The following NDUFAF7 variants were observed in gnomAD, a reference collection of about 807,000 sequenced individuals.
NDUFAF7 encodes NADH:ubiquinone oxidoreductase complex assembly factor 7, also known as protein arginine methyltransferase NDUFAF7, mitochondrial.
Under a neutral mutation model 47.2 loss-of-function variants are expected in NDUFAF7, and 48 were observed. That is an observed-to-expected ratio of 1.02 (90% CI 0.81 to 1.29). The LOEUF is 1.29. NDUFAF7 is among the 50% of genes most tolerant of loss of function. The probability of loss-of-function intolerance (pLI) is 0.00; values close to 1 mark genes in which losing one functional copy is unlikely to be tolerated. For synonymous variants in NDUFAF7, 217 were observed against 190.0 expected, an observed-to-expected ratio of 1.14 and a Z score of -1.17; for missense variants, 635 against 537.6, an observed-to-expected ratio of 1.18 and a Z score of -1.79.
At chr2:37,256,644 T>A (rs1159833283), downstream of NDUFAF7, 12 of 1,396,612 alleles carry the variant, frequency 8.6e-6, no homozygotes, top group African/African-American at 1.5e-5. Flanking sequence ...TTTTTTTTTT[T>A]TTTTTTTTTT....
chr2:37,241,002 A>C (rs1666278535), intron 4 of NDUFAF7, among the ~76,000 whole-genome samples: 1 of 152,204 alleles, frequency 6.6e-6, no homozygotes, highest in South Asian at 2.1e-4. Context: ...ATGTTGATAC[A>C]CTTTATGCTT....
chr2:37,235,718 G>A (rs1230234136), intron 2 of NDUFAF7, among the ~76,000 whole-genome samples: 2 of 151,746 alleles, frequency 1.3e-5, no homozygotes, highest in African/African-American at 4.8e-5. Context: ...GCAGTGGCGC[G>A]ATCTCGGCTT....
chr2:37,251,330 G>A (rs749545035), downstream of NDUFAF7: 5 of 152,586 alleles, frequency 3.3e-5, no homozygotes, highest in Non-Finnish European at 5.9e-5. Flanking sequence ...GGAGGGCTAA[G>A]GGTAAGATTA....
intron 4 of NDUFAF7, among the ~76,000 whole-genome samples, chr2:37,239,268 A>T (rs1666114749): frequency 6.6e-6 from 1 of 151,948 alleles, no homozygotes; most frequent in African/African-American, 2.4e-5. Context: ...ATAGGCGTGG[A>T]TCACTACACC....
chr2:37,261,596 C>T, the NDUFAF7 span, among the ~76,000 whole-genome samples: 1 of 151,688 alleles, frequency 6.6e-6, no homozygotes, highest in Non-Finnish European at 1.5e-5. Flanking sequence ...GCCTGACCAA[C>T]ATGGAGAAAC....
the NDUFAF7 span, among the ~76,000 whole-genome samples, chr2:37,264,202 T>C: frequency 0.069 from 10,436 of 152,244 alleles, 461 homozygotes; most frequent in African/African-American, 0.13. Context: ...TAACTGTATA[T>C]AGACATACAT....
At chr2:37,252,841 T>TTTTATATA (rs1667610687), downstream of NDUFAF7, 10 of 80,520 alleles carry the variant, frequency 1.2e-4, no homozygotes, top group African/African-American at 4.0e-4. Flanking sequence ...AAACATATAT[T>TTTTATATA]TATATTTATA....
the NDUFAF7 span, chr2:37,267,346 TAA>T: frequency 9.9e-3 from 7,584 of 768,840 alleles, 1 homozygote; most frequent in South Asian, 0.024. Context: ...TTTGCCTTCT[TAA>T]AAAAAAAAAA....
In NDUFAF7 at chr2:37,243,971, CAAGT is replaced by C. The variant is rs1488621436; in HGVS notation, c.792+2_792+5del. On this transcript the variant is annotated splice_donor_variant and coding_sequence_variant, in exon 7 of 10. Coordinates refer to ENST00000002125, the MANE Select transcript of NDUFAF7 (RefSeq NM_144736.5). LOFTEE classifies it high-confidence loss of function. ...TGCCACCCCAGCAGAAGCCTTCATA[CAAGT>C]AAGAATATGCTTTTTTAAGTTTCTT... is the stretch of plus-strand genomic sequence containing the variant. 1 of 1,604,350 alleles carries C rather than the reference CAAGT, an allele frequency of 6.2e-7. No individual in the cohort carries two copies. The highest frequency in any genetic ancestry group is 8.5e-7 in the Non-Finnish European group (1 of 1,171,740).
chr2:37,236,525 C>T (rs950783132), intron 3 of NDUFAF7, among the ~76,000 whole-genome samples: 8 of 151,934 alleles, frequency 5.3e-5, no homozygotes, highest in Admixed American at 3.9e-4. Flanking sequence ...ACCTGTAATC[C>T]CAGCACTTTG....
At chr2:37,237,568 GGT>G (rs930101419) in intron 3 of NDUFAF7, among the ~76,000 whole-genome samples, 187 bp from the exon 4 acceptor site, 34 of 152,198 alleles carry the variant, frequency 2.2e-4, no homozygotes, top group African/African-American at 7.5e-4. Context: ...CTTCCTAAAT[GGT>G]GTATGTTATG....
At chr2:37,254,791 C>T (rs1395080909), downstream of NDUFAF7, among the ~76,000 whole-genome samples, 1 of 152,222 alleles carries the variant, frequency 6.6e-6, no homozygotes, top group East Asian at 1.9e-4. Flanking sequence ...TGGAAAGGCA[C>T]TGCCTTGCCT....
chr2:37,242,632 TAG>T lies in NDUFAF7; in HGVS notation c.623-2_623-1del. 6.3e-7 allele frequency: 1 copy of T among 1,582,508 alleles called. No individual in the cohort carries two copies. The highest frequency in any genetic ancestry group is 8.7e-7 in the Non-Finnish European group (1 of 1,151,880). ...CATTAATTGTTTTCCTCTTTTTAAA[TAG>T]GGTACAGCTTTTATCTTGCACATGA... On this transcript the variant is annotated splice_acceptor_variant, in intron 5 of 9. Coordinates refer to ENST00000002125, the MANE Select transcript of NDUFAF7 (RefSeq NM_144736.5). LOFTEE classifies it high-confidence loss of function.
chr2:37,242,790 G>T (rs1350175318), intron 6 of NDUFAF7, 97 bp downstream of exon 6: 3 of 948,070 alleles, frequency 3.2e-6, no homozygotes, highest in Non-Finnish European at 4.8e-6. Flanking sequence ...AATTTTACTT[G>T]TTGAGGTTAT....
chr2:37,236,166 T>C lies in NDUFAF7; in HGVS notation c.287T>C (p.Ile96Thr). 1 of 1,608,720 alleles carries C rather than the reference T, an allele frequency of 6.2e-7. No homozygotes were observed. Residue 96 changes from isoleucine to threonine, a missense_variant, in exon 3 of 10, where the codon ATC becomes ACC. Physicochemically the swap from Ile to Thr is moderately conservative, Grantham distance 89 (BLOSUM62 -1). Transcript: ENST00000002125. ...ATTACTTCACCTGAAATAAGTCAAA[T>C]CTTTGGGGAGGTAATATACTATGTA... ...DFITSPEISQIFGELLGIWFI... is the reference protein window; with the variant it reads ...DFITSPEISQTFGELLGIWFI...
chr2:37,263,259 C>T, the NDUFAF7 span, among the ~76,000 whole-genome samples: 1 of 152,128 alleles, frequency 6.6e-6, no homozygotes, highest in African/African-American at 2.4e-5. Context: ...TTTGATTTCG[C>T]TCTTTGATTC....
downstream of NDUFAF7, chr2:37,252,609 A>G (rs1399480930): frequency 6.6e-6 from 1 of 152,150 alleles, no homozygotes; most frequent in Non-Finnish European, 1.5e-5. Flanking sequence ...AAAACAGCCC[A>G]GTGCGCTTTT....
intron 7 of NDUFAF7, among the ~76,000 whole-genome samples, chr2:37,244,230 C>G (rs181250640): frequency 1.9e-3 from 288 of 152,316 alleles, no homozygotes; most frequent in Middle Eastern, 3.4e-3. Context: ...AAGTCTCTTA[C>G]TTTCACTGCT....
intron 2 of NDUFAF7, among the ~76,000 whole-genome samples, chr2:37,232,876 A>G (rs998384763): frequency 6.6e-6 from 1 of 152,164 alleles, no homozygotes. Context: ...GAAAGCCTAT[A>G]GTCCTTTATT....
Sources: gnomAD v4.1 joint callset for allele counts (sites outside exome capture counted in the v4.1 genomes callset) on GRCh38, gnomAD v4.1.1 for gene constraint, MANE v1.5 for transcripts, NCBI Gene and HGNC (gene_info 2026-07-23, HGNC 2026-07-21) for gene names.